XPO6: variants seen among roughly 807,000 people sequenced by gnomAD.
XPO6 encodes the protein exportin-6.
Under a neutral mutation model 130.0 loss-of-function variants are expected in XPO6, and 3 were observed. That is an observed-to-expected ratio of 0.02 (90% confidence interval 0.01 to 0.06). XPO6 has a LOEUF of 0.06. Among genes scored for constraint, XPO6 ranks in the 10% least tolerant of loss-of-function variants. The pLI is 1.00. For synonymous variants in XPO6, 524 were observed against 548.9 expected (o/e 0.95, Z 0.63); for missense variants, 970 against 1,393.0 (o/e 0.70, Z 4.83).
At chr16:28,123,399 C>A (rs866544258) in intron 13 of XPO6, among the ~76,000 whole-genome samples, 1 of 151,044 alleles carries the variant, frequency 6.6e-6, no homozygotes, top group South Asian at 2.1e-4. Context: ...AGCCACCACG[C>A]CTGGAGTTGA....
intron 21 of XPO6, among the ~76,000 whole-genome samples, chr16:28,104,270 T>C (rs922623410): frequency 2.0e-5 from 3 of 152,220 alleles, no homozygotes; most frequent in Admixed American, 2.0e-4. Flanking sequence ...AACAGCACTA[T>C]GAGGTCAGCG....
intron 9 of XPO6, among the ~76,000 whole-genome samples, chr16:28,145,842 A>T (rs2042973211): frequency 6.6e-6 from 1 of 152,254 alleles, no homozygotes; most frequent in South Asian, 2.1e-4. Flanking sequence ...AAGGGCTATT[A>T]AAAAATTAAG....
intron 2 of XPO6, among the ~76,000 whole-genome samples, 191 bp downstream of exon 2, chr16:28,180,750 G>C (rs2043602213): frequency 6.6e-6 from 1 of 152,126 alleles, no homozygotes; most frequent in African/African-American, 2.4e-5. Flanking sequence ...GATCCACAGT[G>C]ATGGATTTTC....
At chr16:28,176,163 A>G in intron 3 of XPO6, 68 bp from the exon 4 acceptor site, 3 of 1,456,176 alleles carry the variant, frequency 2.1e-6, no homozygotes, top group Non-Finnish European at 2.9e-6. Flanking sequence ...TTCATCCCAC[A>G]GGTAGCTATT....
At chr16:28,104,404 C>A (rs937902282) in intron 21 of XPO6, 142 bp downstream of exon 21, 11 of 1,097,820 alleles carry the variant, frequency 1.0e-5, no homozygotes, top group African/African-American at 1.6e-5. Context: ...GAAACTGAGG[C>A]TCCAAGAAAT....
intron 18 of XPO6, 107 bp downstream of exon 18, chr16:28,107,409 CGGAACA>C: frequency 3.1e-6 from 4 of 1,284,918 alleles, no homozygotes; most frequent in Non-Finnish European, 4.4e-6. Context: ...TTTCGTTGCA[CGGAACA>C]AGTCAAGGCC....
intron 6 of XPO6, among the ~76,000 whole-genome samples, chr16:28,165,748 C>T (rs1007096959): frequency 1.2e-4 from 19 of 152,324 alleles, no homozygotes; most frequent in African/African-American, 3.6e-4. Context: ...TCAACCTTTA[C>T]AGTAGAGGAA....
chr16:28,178,037 A>C (rs1596939189), intron 2 of XPO6, among the ~76,000 whole-genome samples: 1 of 152,242 alleles, frequency 6.6e-6, no homozygotes, highest in East Asian at 1.9e-4. Context: ...CAAGGCAGCA[A>C]GCATTACGGG....
intron 9 of XPO6, among the ~76,000 whole-genome samples, chr16:28,137,134 G>A (rs1314208554): frequency 6.6e-6 from 1 of 152,180 alleles, no homozygotes; most frequent in Non-Finnish European, 1.5e-5. Flanking sequence ...ACCCTCAGAG[G>A]TGGAGGCAAC....
At chr16:28,131,369 C>T (rs932422032) in intron 12 of XPO6, among the ~76,000 whole-genome samples, 2 of 152,140 alleles carry the variant, frequency 1.3e-5, no homozygotes, top group Admixed American at 6.5e-5. Context: ...GCACACTGGG[C>T]GGCTCTGTGC....
chr16:28,206,644 C>T (rs1178127193), intron 1 of XPO6, among the ~76,000 whole-genome samples: 1 of 152,174 alleles, frequency 6.6e-6, no homozygotes, highest in Non-Finnish European at 1.5e-5. Flanking sequence ...TTGCTGACCA[C>T]ATTTTGGTTT....
chr16:28,134,066 A>C, intron 10 of XPO6, 133 bp from the exon 11 acceptor site: 1 of 796,316 alleles, frequency 1.3e-6, no homozygotes, highest in Non-Finnish European at 2.0e-6. Context: ...GTACTATAAA[A>C]AGGCCAAGCT....
intron 1 of XPO6, among the ~76,000 whole-genome samples, chr16:28,190,752 C>T (rs1210272807): frequency 6.6e-6 from 1 of 152,066 alleles, no homozygotes; most frequent in Non-Finnish European, 1.5e-5. Context: ...TGGGAGAATG[C>T]CCCTATTAAG....
At chr16:28,180,041 G>C (rs2043590751) in intron 2 of XPO6, among the ~76,000 whole-genome samples, 1 of 152,136 alleles carries the variant, frequency 6.6e-6, no homozygotes, top group South Asian at 2.1e-4. Context: ...TCTAAAACAA[G>C]ACTTCAAAGA....
At chr16:28,191,436 C>T (rs1057114524) in intron 1 of XPO6, among the ~76,000 whole-genome samples, 1 of 152,194 alleles carries the variant, frequency 6.6e-6, no homozygotes, top group Non-Finnish European at 1.5e-5. Flanking sequence ...TTTATATCTG[C>T]ATGCCTAGTA....
intron 10 of XPO6, among the ~76,000 whole-genome samples, chr16:28,134,990 C>CA (rs2042747511): frequency 6.6e-6 from 1 of 152,212 alleles, no homozygotes; most frequent in South Asian, 2.1e-4. Context: ...TCTCTACTTA[C>CA]ATCTCTAGTC....
intron 1 of XPO6, among the ~76,000 whole-genome samples, chr16:28,195,532 C>T (rs2043844875): frequency 6.6e-6 from 1 of 152,150 alleles, no homozygotes; most frequent in Non-Finnish European, 1.5e-5. Context: ...GCGGGCGGAC[C>T]ACTTGAGGTC....
intron 1 of XPO6, among the ~76,000 whole-genome samples, chr16:28,193,824 ACTCAGTCCGTCT>A (rs1184556859): frequency 2.6e-5 from 4 of 152,082 alleles, no homozygotes; most frequent in African/African-American, 9.7e-5. Flanking sequence ...GCTAGAAGTG[ACTCAGTCCGTCT>A]CTCAGCTCTG....
chr16:28,197,889 A>G (rs1442723779), intron 1 of XPO6, among the ~76,000 whole-genome samples: 3 of 134,876 alleles, frequency 2.2e-5, no homozygotes, highest in Non-Finnish European at 3.1e-5. Flanking sequence ...ACCGCACTCC[A>G]GCCTGAGCAA....
Sources: allele counts gnomAD v4.1 joint callset (sites outside exome capture counted in the v4.1 genomes callset), GRCh38; gene constraint gnomAD v4.1.1; transcripts MANE v1.5; gene names NCBI Gene and HGNC (gene_info 2026-07-23, HGNC 2026-07-21).